MYBPC2: variants seen among roughly 807,000 people sequenced by gnomAD.
MYBPC2 encodes the protein myosin-binding protein C, fast-type.
Under a neutral mutation model 137.0 loss-of-function variants are expected in MYBPC2, and 122 were observed. That is an observed-to-expected ratio of 0.89 (90% CI 0.77 to 1.03). The LOEUF (loss-of-function observed/expected upper bound fraction) is 1.03, where lower values mean the gene tolerates loss of function less well. Ranked by LOEUF, MYBPC2 falls within the 50% of genes least tolerant of loss-of-function variation. The pLI is 0.00. For missense variants in MYBPC2, 1,500 were observed against 1,534.4 expected, an observed-to-expected ratio of 0.98 and a Z score of 0.37; for synonymous variants, 626 against 612.3, an observed-to-expected ratio of 1.02 and a Z score of -0.33.
intron 11 of MYBPC2, among the ~76,000 whole-genome samples, chr19:50,444,811 C>T (rs1230085879): frequency 1.5e-5 from 2 of 134,896 alleles, no homozygotes; most frequent in Admixed American, 8.6e-5. Flanking sequence ...ACCTGGGAGG[C>T]GGAGCTTGCA....
Position 50,458,695 on chromosome 19 carries a change from T to A in MYBPC2, c.2447T>A (p.Ile816Asn). 1 of 1,611,122 alleles carries A rather than the reference T, an allele frequency of 6.2e-7. No individual in the cohort carries two copies. The highest frequency in any genetic ancestry group is 2.2e-5 in the East Asian group (1 of 44,872). Residue 816 changes from isoleucine (I) to asparagine (N), a missense_variant, in exon 21 of 28, where the codon ATC becomes AAC. Ile to Asn is a moderately radical substitution (Grantham distance 149, BLOSUM62 -3). Transcript: ENST00000357701. ...CTCTTCCGAGTAGTTGGGGTCAACATCGCGGGGCGCAGCGAGCCGGCCACC... is the reference window on the plus strand; with the variant it reads ...CTCTTCCGAGTAGTTGGGGTCAACAACGCGGGGCGCAGCGAGCCGGCCACC... ...RILFRVVGVN[I>N]AGRSEPATLA...
At chr19:50,440,736 G>T in intron 7 of MYBPC2, 144 bp from the exon 8 acceptor site, 1 of 770,626 alleles carries the variant, frequency 1.3e-6, no homozygotes, top group Non-Finnish European at 2.0e-6. Flanking sequence ...GAGGAGGCTG[G>T]GGCAATGGAC....
chr19:50,452,532 C>G (rs947545655), intron 16 of MYBPC2, among the ~76,000 whole-genome samples: 10 of 151,480 alleles, frequency 6.6e-5, no homozygotes, highest in African/African-American at 9.7e-5. Context: ...ATCTATCTAT[C>G]TATCTATGTA....
At chr19:50,457,688 T>TTTC (rs905393845) in intron 20 of MYBPC2, among the ~76,000 whole-genome samples, 1 of 150,200 alleles carries the variant, frequency 6.7e-6, no homozygotes, top group African/African-American at 2.5e-5. Context: ...AAGTTTTTTT[T>TTTC]TTTTTTTTTT....
rs370366686 is a variant in MYBPC2 at position 50,436,754 on chromosome 19, G to A, written c.463+20G>A. ...TGGAGGGTATGCTGGTGGGGGATGCGGGAGCAAAGGGTTCTATGTCTGGGT... is the reference window on the plus strand; with the variant it reads ...TGGAGGGTATGCTGGTGGGGGATGCAGGAGCAAAGGGTTCTATGTCTGGGT... On this transcript the variant is annotated intron_variant, in intron 5 of 27. Transcript: ENST00000357701. 36 of 1,606,128 alleles carry A rather than the reference G, an allele frequency of 2.2e-5. No homozygotes were observed. Among genetic ancestry groups the A allele is most frequent in the Middle Eastern group, 1.6e-4 (1 of 6,068 alleles).
chr19:50,455,190 G>C lies in MYBPC2; in HGVS notation c.2097G>C (p.Glu699Asp). ...AGGTCTTCACAGAGACCACCTATGA[G>C]TCCACCAAGATGATCGAGGGCATCC... ...NFEVFTETTY[E>D]STKMIEGILY... is the part of the protein sequence containing the mutation. The change falls in exon 19 of 28, where the codon GAG becomes GAC. Residue 699 changes from glutamate to aspartate, a missense_variant. Transcript: ENST00000357701. 6.2e-7 allele frequency: 1 copy of C among 1,613,870 alleles called. No individual in the cohort carries two copies. The highest frequency in any genetic ancestry group is 1.1e-5 in the South Asian group (1 of 91,078).
intron 20 of MYBPC2, 23 bp from the exon 21 acceptor site, chr19:50,458,564 G>T (rs368652508): frequency 3.1e-6 from 5 of 1,607,550 alleles, no homozygotes; most frequent in Non-Finnish European, 4.2e-6. Context: ...CACGAGATCC[G>T]CCAGCAGGGC....
At position 50,437,673 on chromosome 19, in the gene MYBPC2, C is replaced by A. The variant is rs772774458; in HGVS notation, c.527C>A (p.Ser176Ter). The A allele has an allele frequency of 1.2e-6, 2 of 1,604,570 alleles. No homozygotes were observed. The highest frequency in any genetic ancestry group is 2.2e-5 in the East Asian group (1 of 44,624). Reference protein sequence around the residue: ...ESFKRTSEKKSDTAGELDFSG... With the variant: ...ESFKRTSEKK ...AATGGCCACAGGAGTGAAAAGAAGTCGGATACTGCAGGTGAGCTGGATTTC... is the reference window on the plus strand; with the variant it reads ...AATGGCCACAGGAGTGAAAAGAAGTAGGATACTGCAGGTGAGCTGGATTTC... The change falls in exon 7 of 28, where the codon TCG becomes TAG. Residue 176 changes from serine to a stop codon, truncating the protein, a stop_gained. Transcript: ENST00000357701. LOFTEE classifies it high-confidence loss of function.
intron 11 of MYBPC2, among the ~76,000 whole-genome samples, chr19:50,445,242 G>A (rs138269099): frequency 1.3e-5 from 2 of 152,182 alleles, no homozygotes; most frequent in African/African-American, 4.8e-5. Context: ...AGGCCACAAC[G>A]TTTGATGTTT....
Position 50,459,025 on chromosome 19 carries a change from C to T in MYBPC2, c.2595+19C>T, listed in dbSNP as rs201806438. On this transcript the variant is annotated intron_variant, in intron 22 of 27. Transcript: ENST00000357701. ...CTTCCAGGTCAGGGGAGCGGGGTCA[C>T]GGGCCGGGGGTCCGCTCTCGCCGCA... 6.9e-6 allele frequency: 11 copies of T among 1,597,540 alleles called. No homozygotes were observed. The Admixed American group carries it at 1.7e-4, about 25-fold the overall frequency.
At chr19:50,457,311 G>T (rs943107991) in intron 20 of MYBPC2, among the ~76,000 whole-genome samples, 4 of 152,108 alleles carry the variant, frequency 2.6e-5, no homozygotes, top group African/African-American at 9.7e-5. Context: ...AGTTCACTCT[G>T]TTGATTGCTG....
chr19:50,434,711 C>T (rs1240569097), intron 1 of MYBPC2, among the ~76,000 whole-genome samples: 2 of 152,226 alleles, frequency 1.3e-5, no homozygotes, highest in Non-Finnish European at 2.9e-5. Context: ...GGCATCAGGC[C>T]AAGCAGGCTG....
chr19:50,442,390 T>C, intron 9 of MYBPC2, 77 bp downstream of exon 9: 1 of 1,539,954 alleles, frequency 6.5e-7, no homozygotes, highest in Non-Finnish European at 8.8e-7. Flanking sequence ...GGCCTATCAC[T>C]CTTAACCAGA....
intron 17 of MYBPC2, 36 bp from the exon 18 acceptor site, chr19:50,454,229 C>A (rs1185902692): frequency 1.4e-5 from 23 of 1,613,670 alleles, no homozygotes; most frequent in African/African-American, 2.7e-5. Flanking sequence ...CTCCCTGAGG[C>A]CTCGAGGGGC....
chr19:50,456,082 G>A (rs866507544), intron 20 of MYBPC2, among the ~76,000 whole-genome samples: 8 of 127,890 alleles, frequency 6.3e-5, no homozygotes, highest in East Asian at 2.6e-4. Flanking sequence ...TCATCTTACC[G>A]TCCATCCATC....
At chr19:50,438,445 G>A (rs1342114749) in intron 7 of MYBPC2, among the ~76,000 whole-genome samples, 3 of 152,154 alleles carry the variant, frequency 2.0e-5, no homozygotes, top group East Asian at 3.9e-4. Flanking sequence ...GTGGGTGGAC[G>A]ATGAATGGAT....
Position 50,435,139 on chromosome 19 carries a change from A to G in MYBPC2, c.20-22A>G. On this transcript the variant is annotated intron_variant, in intron 1 of 27. Coordinates refer to ENST00000357701, the MANE Select transcript of MYBPC2 (RefSeq NM_004533.4). This position sits in a 1 kb window ranked among gnomAD's most constrained non-coding sequence, Gnocchi z 4.8. ...GGGTGTGCAGACCGCATGCTCAACT[A>G]TGACTGTCCCCTACCTTACAGCGGC... is the stretch of plus-strand genomic sequence containing the variant. 1 of 1,120,068 alleles carries G rather than the reference A, an allele frequency of 8.9e-7. No homozygotes were observed. Among genetic ancestry groups the G allele is most frequent in the Non-Finnish European group, 1.4e-6 (1 of 740,210 alleles). 69.4% of individuals were successfully genotyped at this position (1,120,068 alleles called of 1,614,324 possible). A position where few individuals can be genotyped will look rare whatever the true frequency, so the allele number is the denominator to read the frequency against.
At position 50,436,109 on chromosome 19, in the gene MYBPC2, C is replaced by A. The variant is rs2039701101; in HGVS notation, c.294C>A (p.Ser98Arg). ...AGGGGAAGTGGCTGGAGCTGGGCAG[C>A]AAGAGTGGCGCCCGCTTCTCCTTCA... The part of the protein sequence containing the change: ...WFKGKWLELG[S>R]KSGARFSFKE... Residue 98 changes from serine (S) to arginine (R), a missense_variant, in exon 4 of 28, where the codon AGC becomes AGA. Ser to Arg is a moderately radical substitution (Grantham distance 110). Coordinates refer to ENST00000357701, the MANE Select transcript of MYBPC2 (RefSeq NM_004533.4). 6.3e-7 allele frequency: 1 copy of A among 1,581,648 alleles called. No homozygotes were observed. Among genetic ancestry groups the A allele is most frequent in the Non-Finnish European group, 8.6e-7 (1 of 1,164,352 alleles).
chr19:50,441,437 A>G (rs1426174197), intron 8 of MYBPC2, among the ~76,000 whole-genome samples: 1 of 152,172 alleles, frequency 6.6e-6, no homozygotes, highest in Non-Finnish European at 1.5e-5. Context: ...GGTAATTAAA[A>G]GTGGGTATCA....
Sources: gnomAD v4.1 joint callset for allele counts (sites outside exome capture counted in the v4.1 genomes callset) on GRCh38, gnomAD v4.1.1 for gene constraint, Gnocchi (gnomAD v3.1) non-coding constraint, MANE v1.5 for transcripts, NCBI Gene and HGNC (gene_info 2026-07-23, HGNC 2026-07-21) for gene names.